The following CHN1 variants were observed in gnomAD, a reference collection of about 807,000 sequenced individuals.
CHN1 encodes the protein chimerin 1.
In CHN1, 37 loss-of-function variants were observed where a neutral mutation model predicts 59.5. The ratio of observed to expected loss-of-function variants is 0.62; its 90% CI spans 0.48 to 0.82. The LOEUF (loss-of-function observed/expected upper bound fraction) is 0.82. Ranked by LOEUF, CHN1 falls within the 40% of genes least tolerant of loss-of-function variation. The probability of loss-of-function intolerance (pLI) is 0.00; values close to 1 mark genes in which losing one functional copy is unlikely to be tolerated. For missense variants in CHN1, 469 were observed against 571.0 expected, an observed-to-expected ratio of 0.82 and a Z score of 1.82; for synonymous variants, 206 against 200.4, an observed-to-expected ratio of 1.03 and a Z score of -0.24.
intron 5 of CHN1, among the ~76,000 whole-genome samples, chr2:174,884,724 C>T (rs569467550): frequency 4.6e-5 from 7 of 152,176 alleles, no homozygotes; most frequent in South Asian, 2.1e-4. Context: ...GAAAAAATTA[C>T]GGGACACATA....
At position 174,953,572 on chromosome 2, in the gene CHN1, C is replaced by T. The variant is rs199743060; in HGVS notation, c.20-1370G>A. ...TCCTAGAACTGGTAAATGAATTCAG[C>T]AAAGTTTCCAAAGTTAATGTACACA... is the stretch of plus-strand genomic sequence containing the variant. On this transcript the variant is annotated intron_variant, in intron 1 of 12. Transcript: ENST00000409900. Among the ~76,000 whole-genome samples, 4 of 152,236 alleles carry T rather than the reference C, an allele frequency of 2.6e-5. No homozygotes were observed. The East Asian group carries it at 7.7e-4, about 29-fold the overall frequency.
At chr2:174,847,621 T>C in intron 6 of CHN1, 1 of 1,316,942 alleles carries the variant, frequency 7.6e-7, no homozygotes, top group South Asian at 1.3e-5. Context: ...AAGGGAGGGA[T>C]TTCACAAGGA....
chr2:174,887,010 C>T (rs574934644), intron 5 of CHN1, among the ~76,000 whole-genome samples: 229 of 152,266 alleles, frequency 1.5e-3, no homozygotes, highest in African/African-American at 5.1e-3. Context: ...TATTTAACCA[C>T]TTAATCTGTT....
chr2:174,995,464 G>A (rs1473276424), intron 1 of CHN1, among the ~76,000 whole-genome samples: 1 of 152,148 alleles, frequency 6.6e-6, no homozygotes, highest in Non-Finnish European at 1.5e-5. Flanking sequence ...CATGGACGGT[G>A]GGGGGATGGG....
intron 1 of CHN1, among the ~76,000 whole-genome samples, chr2:174,963,989 T>C (rs545766211): frequency 6.6e-6 from 1 of 152,134 alleles, no homozygotes; most frequent in South Asian, 2.1e-4. Flanking sequence ...AAAGATGAGA[T>C]CAAAATAAGC....
intron 5 of CHN1, among the ~76,000 whole-genome samples, chr2:174,902,197 C>T (rs748983691): frequency 1.3e-5 from 2 of 152,122 alleles, no homozygotes; most frequent in African/African-American, 2.4e-5. Flanking sequence ...GCTATCTCCT[C>T]TTGTGCTTTT....
chr2:174,934,436 A>G (rs1198002100), intron 3 of CHN1, among the ~76,000 whole-genome samples: 1 of 152,208 alleles, frequency 6.6e-6, no homozygotes, highest in East Asian at 1.9e-4. Flanking sequence ...GAGTAGCTAT[A>G]AACACAGATG....
At chr2:174,954,206 T>C (rs1478287480) in intron 1 of CHN1, among the ~76,000 whole-genome samples, 2 of 152,128 alleles carry the variant, frequency 1.3e-5, no homozygotes, top group Admixed American at 1.3e-4. Context: ...GATACCCTAA[T>C]TCAACAAATG....
chr2:174,954,495 A>G (rs115435172), intron 1 of CHN1, among the ~76,000 whole-genome samples: 7,979 of 152,200 alleles, frequency 0.052, 755 homozygotes, highest in African/African-American at 0.18. Flanking sequence ...ATAATCAGCA[A>G]AGCAAACAGA....
At chr2:174,917,747 C>T (rs945187802) in intron 4 of CHN1, among the ~76,000 whole-genome samples, 1 of 151,964 alleles carries the variant, frequency 6.6e-6, no homozygotes, top group African/African-American at 2.4e-5. Flanking sequence ...GTCTTGAAAA[C>T]ATAAAGAATT....
At chr2:174,933,895 G>C (rs1689423236) in intron 3 of CHN1, among the ~76,000 whole-genome samples, 1 of 152,198 alleles carries the variant, frequency 6.6e-6, no homozygotes, top group African/African-American at 2.4e-5. Context: ...TGATGGTTGG[G>C]TGGATGTGAC....
intron 5 of CHN1, among the ~76,000 whole-genome samples, chr2:174,909,663 A>T (rs910055682): frequency 6.6e-6 from 1 of 152,238 alleles, no homozygotes; most frequent in African/African-American, 2.4e-5. Flanking sequence ...TAGAAAGATC[A>T]CAAGTCCTTC....
chr2:174,850,007 T>C (rs1429000233), intron 6 of CHN1, among the ~76,000 whole-genome samples: 1 of 152,176 alleles, frequency 6.6e-6, no homozygotes, highest in Non-Finnish European at 1.5e-5. Context: ...TAATTATCAA[T>C]GGATGGTAAG....
At chr2:174,845,002 T>C (rs1174077007) in intron 7 of CHN1, among the ~76,000 whole-genome samples, 2 of 152,184 alleles carry the variant, frequency 1.3e-5, no homozygotes, top group Non-Finnish European at 2.9e-5. Flanking sequence ...GCAGTTTAGA[T>C]ACCAAGGTAA....
At chr2:175,004,792 G>T in intron 1 of CHN1, 102 bp downstream of exon 1, 1 of 568,302 alleles carries the variant, frequency 1.8e-6, no homozygotes, top group Non-Finnish European at 2.3e-6. Flanking sequence ...CCGACCCCAC[G>T]CGCCGCGCCC....
chr2:174,844,621 T>G (rs988914857), intron 7 of CHN1, among the ~76,000 whole-genome samples: 2 of 152,186 alleles, frequency 1.3e-5, no homozygotes, highest in African/African-American at 2.4e-5. Flanking sequence ...TACATAGATG[T>G]GTATATCACA....
At chr2:174,870,998 CT>C (rs1381744753) in intron 6 of CHN1, among the ~76,000 whole-genome samples, 1 of 152,040 alleles carries the variant, frequency 6.6e-6, no homozygotes, top group African/African-American at 2.4e-5. Flanking sequence ...CTGGTTTTCC[CT>C]AATGGCCTTC....
intron 3 of CHN1, among the ~76,000 whole-genome samples, chr2:174,934,543 G>A (rs938410502): frequency 4.6e-5 from 7 of 152,298 alleles, no homozygotes; most frequent in South Asian, 4.1e-4. Context: ...CACAGGGGCC[G>A]GGGACCCCTG....
intron 2 of CHN1, among the ~76,000 whole-genome samples, chr2:174,945,931 G>GTGTATATATATA (rs1689819894): frequency 3.4e-5 from 5 of 149,110 alleles, no homozygotes; most frequent in African/African-American, 1.2e-4. Flanking sequence ...GTGTGTGTGT[G>GTGTATATATATA]TATATATATA....
Sources: allele counts gnomAD v4.1 joint callset (sites outside exome capture counted in the v4.1 genomes callset), GRCh38; gene constraint gnomAD v4.1.1; transcripts MANE v1.5; gene names NCBI Gene and HGNC (gene_info 2026-07-23, HGNC 2026-07-21).